The following GCNT2 variants were observed in gnomAD, a reference collection of about 807,000 sequenced individuals.
The protein encoded by GCNT2 is glucosaminyl (N-acetyl) transferase 2 (I blood group), also known as N-acetyllactosaminide beta-1,6-N-acetylglucosaminyl-transferase.
In GCNT2, 34 loss-of-function variants were observed where a neutral mutation model predicts 34.2. The ratio of observed to expected loss-of-function variants is 1.00; its 90% CI spans 0.76 to 1.32. The LOEUF (loss-of-function observed/expected upper bound fraction) is 1.32. Ranked by LOEUF, GCNT2 falls within the 40% of genes most tolerant of loss-of-function variation. The pLI, the probability that GCNT2 is intolerant of heterozygous loss-of-function variation, is 0.00. For missense variants in GCNT2, 584 were observed against 489.4 expected (o/e 1.19, Z -1.82); for synonymous variants, 212 against 188.0 (o/e 1.13, Z -1.04).
At chr6:10,529,880 A>G (rs367618528) in intron 3 of GCNT2, 44 bp downstream of exon 3, 40 of 1,405,356 alleles carry the variant, frequency 2.8e-5, no homozygotes, top group Middle Eastern at 1.7e-4. Context: ...TAAACACTGC[A>G]TGGTCAATAC....
At chr6:10,584,113 C>T (rs654360) in intron 3 of GCNT2, among the ~76,000 whole-genome samples, 4,415 of 152,136 alleles carry the variant, frequency 0.029, 203 homozygotes, top group African/African-American at 0.098. Context: ...TCTGAGTTCT[C>T]TCAGTATTTA....
intron 3 of GCNT2, among the ~76,000 whole-genome samples, chr6:10,538,780 T>C (rs1175584653): frequency 6.6e-6 from 1 of 152,132 alleles, no homozygotes; most frequent in Non-Finnish European, 1.5e-5. Flanking sequence ...TGTATATAAA[T>C]AGTTTTGCTT....
intron 3 of GCNT2, chr6:10,586,202 T>C (rs1429798741): frequency 2.5e-6 from 4 of 1,614,020 alleles, no homozygotes; most frequent in Non-Finnish European, 3.4e-6. Flanking sequence ...CTTTGCGAAG[T>C]GTCCCTTGCA....
At chr6:10,587,969 G>A (rs1764432082) in intron 3 of GCNT2, among the ~76,000 whole-genome samples, 1 of 152,130 alleles carries the variant, frequency 6.6e-6, no homozygotes, top group Non-Finnish European at 1.5e-5. Context: ...ATAACTCCCA[G>A]CTCTTATGTC....
At chr6:10,523,162 CTG>C (rs1307620202) in intron 1 of GCNT2, among the ~76,000 whole-genome samples, 4 of 152,174 alleles carry the variant, frequency 2.6e-5, no homozygotes, top group African/African-American at 9.7e-5. Flanking sequence ...TGGCTCATGA[CTG>C]TAATCCCAGC....
chr6:10,556,630 GTCT>G lies in GCNT2; in HGVS notation c.925+26799_925+26801del, dbSNP rs759083656. On this transcript the variant is annotated intron_variant, in intron 3 of 4. Transcript: ENST00000495262. ...AAAACAAACTAATGATCCATGAGAA[GTCT>G]TCTTGCAAGGAATACTTGACCCAGA... 122 of 1,614,108 alleles carry G rather than the reference GTCT, an allele frequency of 7.6e-5. No homozygotes were observed. The East Asian group carries it at 2.1e-3, about 28-fold the overall frequency.
intron 3 of GCNT2, among the ~76,000 whole-genome samples, chr6:10,563,137 A>G (rs1418217376): frequency 6.6e-6 from 1 of 152,140 alleles, no homozygotes; most frequent in Non-Finnish European, 1.5e-5. Context: ...CCTGGGCAAC[A>G]GAGTGAGACT....
At chr6:10,585,634 G>A in intron 3 of GCNT2, 3 of 384,324 alleles carry the variant, frequency 7.8e-6, no homozygotes, top group Non-Finnish European at 1.3e-5. Context: ...CAGTGAAAAG[G>A]ACCCATCATT....
In GCNT2 at chr6:10,528,885, G is replaced by C. The variant is rs1474395781; in HGVS notation, c.-27G>C. 2.0e-6 allele frequency: 3 copies of C among 1,535,660 alleles called. No homozygotes were observed. Among genetic ancestry groups the C allele is most frequent in the Non-Finnish European group, 1.8e-6 (2 of 1,109,068 alleles). On this transcript the variant is annotated 5_prime_UTR_variant, in exon 3 of 5. Transcript: ENST00000495262. Reference sequence around the variant, plus strand: ...CACTCTGATCCTATCTCAAGAGAGAGATATTTTACTCATTTCCTGGTTGTG... The same window carrying C: ...CACTCTGATCCTATCTCAAGAGAGACATATTTTACTCATTTCCTGGTTGTG...
chr6:10,534,028 T>G (rs78903683), intron 3 of GCNT2, among the ~76,000 whole-genome samples: 1 of 151,584 alleles, frequency 6.6e-6, no homozygotes, highest in Non-Finnish European at 1.5e-5. Flanking sequence ...TGCTTCTACT[T>G]TATTTGAAAT....
At chr6:10,524,268 T>C (rs74544747) in intron 1 of GCNT2, among the ~76,000 whole-genome samples, 1 of 150,400 alleles carries the variant, frequency 6.6e-6, no homozygotes, top group Non-Finnish European at 1.5e-5. Flanking sequence ...TTTTTTTTTT[T>C]AGACGGAGTT....
chr6:10,539,017 A>G (rs527629242), intron 3 of GCNT2, among the ~76,000 whole-genome samples: 19 of 152,232 alleles, frequency 1.2e-4, no homozygotes, highest in African/African-American at 3.6e-4. Context: ...GATGACATCA[A>G]TTAGAATGCA....
chr6:10,617,750 CTT>C (rs3064178), intron 3 of GCNT2, among the ~76,000 whole-genome samples: 1,193 of 101,584 alleles, frequency 0.012, 19 homozygotes, highest in East Asian at 0.033. Context: ...TGCATTTCTT[CTT>C]TTTTTTTTTT....
intron 3 of GCNT2, among the ~76,000 whole-genome samples, chr6:10,596,999 G>T (rs75524788): frequency 6.6e-6 from 1 of 152,078 alleles, no homozygotes; most frequent in Non-Finnish European, 1.5e-5. Flanking sequence ...CTTTGGAATA[G>T]GACAGATCTT....
chr6:10,598,840 G>T (rs747613861), intron 3 of GCNT2, among the ~76,000 whole-genome samples: 1 of 152,064 alleles, frequency 6.6e-6, no homozygotes, highest in Non-Finnish European at 1.5e-5. Context: ...GGCTAATTAT[G>T]TTCTCTCTCT....
intron 3 of GCNT2, among the ~76,000 whole-genome samples, chr6:10,542,256 G>GT (rs1305272830): frequency 2.0e-5 from 3 of 152,042 alleles, no homozygotes; most frequent in Non-Finnish European, 4.4e-5. Context: ...AGATTTTCTA[G>GT]AAGGCTTGCC....
intron 3 of GCNT2, chr6:10,586,308 T>G: frequency 6.2e-7 from 1 of 1,614,214 alleles, no homozygotes; most frequent in Non-Finnish European, 8.5e-7. Flanking sequence ...CCATAAGGAC[T>G]TTGACACCTT....
intron 3 of GCNT2, among the ~76,000 whole-genome samples, chr6:10,575,996 A>C (rs1763792409): frequency 6.6e-6 from 1 of 152,110 alleles, no homozygotes; most frequent in Admixed American, 6.5e-5. Flanking sequence ...AGGTGAAATA[A>C]ACAGCCATGT....
intron 3 of GCNT2, among the ~76,000 whole-genome samples, chr6:10,616,024 A>G (rs562649771): frequency 1.4e-4 from 22 of 152,324 alleles, no homozygotes; most frequent in Non-Finnish European, 2.6e-4. Flanking sequence ...TGACTTCAAG[A>G]ATGAAGCTGC....
Sources: gnomAD v4.1 joint callset for allele counts (sites outside exome capture counted in the v4.1 genomes callset) on GRCh38, gnomAD v4.1.1 for gene constraint, MANE v1.5 for transcripts, NCBI Gene and HGNC (gene_info 2026-07-23, HGNC 2026-07-21) for gene names.